DOCK7: variants seen among roughly 807,000 people sequenced by gnomAD.
DOCK7 encodes dedicator of cytokinesis protein 7.
DOCK7 carries 138 observed loss-of-function variants against 271.0 expected under a neutral mutation model. That is an observed-to-expected ratio of 0.51 (90% CI 0.44 to 0.59). The LOEUF (loss-of-function observed/expected upper bound fraction) is 0.59, where lower values mean the gene tolerates loss of function less well. Among genes scored for constraint, DOCK7 ranks in the 20% least tolerant of loss-of-function variants. The pLI is 0.00. For missense variants in DOCK7, 2,066 were observed against 2,592.4 expected (o/e 0.80, Z 4.41); for synonymous variants, 823 against 876.1 (o/e 0.94, Z 1.07).
chr1:62,515,136 G>GAAAA (rs995486937), intron 31 of DOCK7, among the ~76,000 whole-genome samples: 1 of 99,492 alleles, frequency 1.0e-5, no homozygotes, highest in Non-Finnish European at 2.1e-5. Flanking sequence ...TCATCTTACA[G>GAAAA]AAAAAAAAAA....
intron 18 of DOCK7, among the ~76,000 whole-genome samples, chr1:62,567,869 A>G (rs1419627749): frequency 1.3e-5 from 2 of 152,114 alleles, no homozygotes; most frequent in Non-Finnish European, 2.9e-5. Flanking sequence ...AATTTCTTTA[A>G]AAATAACAGT....
chr1:62,550,269 A>G (rs1301244110), intron 22 of DOCK7, among the ~76,000 whole-genome samples: 1 of 152,108 alleles, frequency 6.6e-6, no homozygotes, highest in Non-Finnish European at 1.5e-5. Context: ...AAAGAAATTA[A>G]TTTAGAAAAA....
Position 62,480,786 on chromosome 1 carries a change from G to T in DOCK7, c.5509-2961C>A, listed in dbSNP as rs570604414. 3.2e-3 allele frequency among the ~76,000 whole-genome samples: 489 copies of T among 152,264 alleles called. 4 individuals carry two copies. Among genetic ancestry groups the T allele is most frequent in the African/African-American group, 0.011 (474 of 41,570 alleles). On this transcript the variant is annotated intron_variant, in intron 43 of 49. Coordinates refer to ENST00000635253, the MANE Select transcript of DOCK7 (RefSeq NM_001367561.1). ...CACTTTGGGAGGCCAAGGCGGGGGG[G>T]ATCACGAGGTCAGGAGATCGAGACC...
At chr1:62,570,412 C>T (rs898738869) in intron 18 of DOCK7, among the ~76,000 whole-genome samples, 2 of 152,086 alleles carry the variant, frequency 1.3e-5, no homozygotes, top group Non-Finnish European at 2.9e-5. Flanking sequence ...AGGACACAAA[C>T]AAATGGAAAA....
At chr1:62,532,799 G>A (rs146152387) in intron 29 of DOCK7, among the ~76,000 whole-genome samples, 9 of 152,328 alleles carry the variant, frequency 5.9e-5, no homozygotes, top group Admixed American at 1.3e-4. Context: ...AGGCCTGAAG[G>A]TGGGAATGAG....
At chr1:62,633,283 A>G (rs2149629205) in intron 10 of DOCK7, among the ~76,000 whole-genome samples, 1 of 152,338 alleles carries the variant, frequency 6.6e-6, no homozygotes, top group African/African-American at 2.4e-5. Context: ...TATGAAACAT[A>G]TGACACAGGC....
chr1:62,524,953 ATATT>A lies in DOCK7; in HGVS notation c.3936+3194_3936+3197del, dbSNP rs1408905370. Among the ~76,000 whole-genome samples, 55 of 119,418 alleles carry A rather than the reference ATATT, an allele frequency of 4.6e-4. 2 individuals carry two copies. Among genetic ancestry groups the A allele is most frequent in the East Asian group, 3.5e-3 (14 of 3,998 alleles). 78.3% of individuals were successfully genotyped at this position (119,418 alleles called of 152,430 possible). A position where few individuals can be genotyped will look rare whatever the true frequency, so the allele number is the denominator to read the frequency against. Reference sequence around the variant, plus strand: ...AAACTATATATATATATATATATATATATTACTATAAACTATATATTTTTAAAAT... The same window carrying A: ...AAACTATATATATATATATATATATAACTATAAACTATATATTTTTAAAAT... On this transcript the variant is annotated intron_variant, in intron 31 of 49. Transcript: ENST00000635253.
At chr1:62,504,548 C>G (rs1174539457) in intron 37 of DOCK7, 82 bp downstream of exon 37, 3 of 1,414,944 alleles carry the variant, frequency 2.1e-6, no homozygotes, top group South Asian at 2.8e-5. Context: ...ACTCCATGCT[C>G]TCCCAAAAAC....
In DOCK7 at chr1:62,542,668, A is replaced by T. The variant is rs188467262; in HGVS notation, c.2985T>A (p.Val995=). The change falls in exon 25 of 50, where the codon GTT becomes GTA. Residue 995 remains valine, a synonymous_variant. Coordinates refer to ENST00000635253, the MANE Select transcript of DOCK7 (RefSeq NM_001367561.1). ...FHEELALQWV[V]CSGSVRESAL... Reference sequence around the variant, plus strand: ...CTGATTCCCGAACGCTGCCACTGCAAACAACCCACTGCAAAGCCAGCTCCT... The same window carrying T: ...CTGATTCCCGAACGCTGCCACTGCATACAACCCACTGCAAAGCCAGCTCCT... The T allele has an allele frequency of 3.1e-5, 50 of 1,613,196 alleles. No homozygotes were observed. In the East Asian group the frequency reaches 1.1e-3, roughly 35 times the overall value.
intron 43 of DOCK7, among the ~76,000 whole-genome samples, chr1:62,479,481 A>C (rs1403646228): frequency 6.6e-6 from 1 of 152,180 alleles, no homozygotes; most frequent in East Asian, 1.9e-4. Context: ...AGATTGAATG[A>C]TTCAACTAAA....
intron 14 of DOCK7, among the ~76,000 whole-genome samples, chr1:62,596,049 T>C (rs756722085): frequency 1.3e-5 from 2 of 152,198 alleles, no homozygotes; most frequent in Non-Finnish European, 2.9e-5. Context: ...ATGAAAAATT[T>C]CTTTTAGGTA....
chr1:62,522,805 T>C (rs1347424624), intron 31 of DOCK7, among the ~76,000 whole-genome samples: 1 of 152,136 alleles, frequency 6.6e-6, no homozygotes, highest in Non-Finnish European at 1.5e-5. Flanking sequence ...TTATCATTTA[T>C]TTTATATTGT....
At chr1:62,573,620 AATATC>A (rs1463555539) in intron 18 of DOCK7, among the ~76,000 whole-genome samples, 1 of 152,210 alleles carries the variant, frequency 6.6e-6, no homozygotes, top group Non-Finnish European at 1.5e-5. Flanking sequence ...TAAAGTAAAT[AATATC>A]ATATTTTGGC....
intron 14 of DOCK7, chr1:62,603,989 G>A (rs1650543765): frequency 6.2e-7 from 1 of 1,612,802 alleles, no homozygotes; most frequent in Non-Finnish European, 8.5e-7. Context: ...GTTGGGCCTA[G>A]AGAAGATATA....
chr1:62,671,735 T>C (rs927049207), intron 1 of DOCK7, among the ~76,000 whole-genome samples: 2 of 152,176 alleles, frequency 1.3e-5, no homozygotes, highest in African/African-American at 4.8e-5. Context: ...CTTTGTAATC[T>C]GGTAAAGTAA....
At chr1:62,564,978 A>C (rs1646462177) in intron 18 of DOCK7, among the ~76,000 whole-genome samples, 1 of 152,174 alleles carries the variant, frequency 6.6e-6, no homozygotes, top group African/African-American at 2.4e-5. Context: ...GGATACATAC[A>C]CCCTCCCAAG....
Position 62,601,895 on chromosome 1 carries a change from T to A in DOCK7, c.1683-15271A>T, listed in dbSNP as rs180801384. The A allele has an allele frequency of 1.2e-4, 182 of 1,543,324 alleles. No homozygotes were observed. The East Asian group carries it at 3.1e-3, about 27-fold the overall frequency. On this transcript the variant is annotated intron_variant, in intron 14 of 49. Transcript: ENST00000635253. ...GATGTTATATCAGGTAAAACCTGTC[T>A]AAGGAGAATAGACAGTAGTTAGTTC...
At chr1:62,631,186 A>T in intron 11 of DOCK7, 54 bp downstream of exon 11, 3 of 1,485,804 alleles carry the variant, frequency 2.0e-6, no homozygotes, top group Non-Finnish European at 2.7e-6. Context: ...CTCCATCTCA[A>T]AAAAAAAAGA....
intron 48 of DOCK7, among the ~76,000 whole-genome samples, chr1:62,467,207 C>A (rs1260364904): frequency 6.6e-6 from 1 of 152,120 alleles, no homozygotes. Flanking sequence ...AAAACTGTGT[C>A]CAGAGGTTAT....
Sources: gnomAD v4.1 joint callset for allele counts (sites outside exome capture counted in the v4.1 genomes callset) on GRCh38, gnomAD v4.1.1 for gene constraint, MANE v1.5 for transcripts, NCBI Gene and HGNC (gene_info 2026-07-23, HGNC 2026-07-21) for gene names.